The following MINDY4B variants were observed in gnomAD, a reference collection of about 807,000 sequenced individuals.
MINDY4B encodes MINDY family member 4B.
A neutral mutation model predicts 16.7 loss-of-function variants in MINDY4B; 25 were observed. The observed-to-expected ratio is 1.49, with a 90% CI of 1.09 to 2.09. The LOEUF (loss-of-function observed/expected upper bound fraction) is 2.09. Ranked by LOEUF, MINDY4B falls within the 30% of genes most tolerant of loss-of-function variation. The probability of loss-of-function intolerance (pLI) is 0.00; values close to 1 mark genes in which losing one functional copy is unlikely to be tolerated. For missense variants in MINDY4B, 327 were observed against 168.4 expected (o/e 1.94, Z -5.21); for synonymous variants, 132 against 61.9 (o/e 2.13, Z -5.32).
At chr3:150,888,070 G>GT (rs1269754218) in intron 7 of MINDY4B, among the ~76,000 whole-genome samples, 1 of 152,146 alleles carries the variant, frequency 6.6e-6, no homozygotes, top group South Asian at 2.1e-4. Flanking sequence ...TCGCACCACT[G>GT]TACTCCAGCC....
chr3:150,871,051 G>A lies in MINDY4B; in HGVS notation c.1377C>T (p.Phe459=). 2.8e-6 allele frequency: 2 copies of A among 702,832 alleles called. No individual in the cohort carries two copies. The highest frequency in any genetic ancestry group is 5.2e-6 in the Non-Finnish European group (2 of 384,828). The allele number at this position is 702,832 out of a possible 1,614,324, so 43.5% of individuals were successfully genotyped here. A position where few individuals can be genotyped will look rare whatever the true frequency, so the allele number is the denominator to read the frequency against. ...TGCACAGCCTAGTTTCCCTTTAGAAGAAGGGAACGGTCCCATTCCAGTTGA... is the reference window on the plus strand; with the variant it reads ...TGCACAGCCTAGTTTCCCTTTAGAAAAAGGGAACGGTCCCATTCCAGTTGA... ...ATINWNGTVP[F]F Residue 459 remains phenylalanine, a synonymous_variant, in exon 12 of 12, where the codon TTC becomes TTT. Transcript: ENST00000465419.
In MINDY4B at chr3:150,882,564, G is replaced by GTATATATATA. The variant is rs59302082; in HGVS notation, c.1059+323_1059+332dup. Among the ~76,000 whole-genome samples the GTATATATATA allele has an allele frequency of 9.5e-5, 14 of 148,100 alleles. No homozygotes were observed. The East Asian group carries it at 1.4e-3, about 15-fold the overall frequency. The stretch of plus-strand genomic sequence containing the variant: ...TTTTCCTTTGTGTATGTGTATGTGT[G>GTATATATATA]TATATATATATATATATATATATAT... On this transcript the variant is annotated intron_variant, in intron 10 of 11. Transcript: ENST00000465419.
intron 10 of MINDY4B, among the ~76,000 whole-genome samples, chr3:150,874,661 C>T (rs577190747): frequency 6.6e-6 from 1 of 152,266 alleles, no homozygotes; most frequent in Admixed American, 6.5e-5. Context: ...CATTCTATTT[C>T]TTTTCTTCTC....
intron 8 of MINDY4B, among the ~76,000 whole-genome samples, chr3:150,884,118 C>T (rs189511154): frequency 2.4e-4 from 36 of 152,338 alleles, no homozygotes; most frequent in African/African-American, 7.9e-4. Flanking sequence ...CATGACCACA[C>T]TGCAGAGTGC....
rs894330613 is a variant in MINDY4B at position 150,894,229 on chromosome 3, T to C, written c.386A>G (p.His129Arg). The C allele has an allele frequency of 1.3e-5, 9 of 702,086 alleles. No individual in the cohort carries two copies. Among genetic ancestry groups the C allele is most frequent in the African/African-American group, 3.5e-5 (2 of 57,220 alleles). The allele number at this position is 702,086 out of a possible 1,614,324, so 43.5% of individuals were successfully genotyped here. Residue 129 changes from histidine (H) to arginine (R), a missense_variant, in exon 4 of 12, where the codon CAT (histidine) becomes CGT (arginine). Coordinates refer to ENST00000465419, the MANE Select transcript of MINDY4B (RefSeq NM_001351281.2). The part of the protein sequence containing the change: ...YNWKKAYFRF[H>R]DPSSELAFTL... ...GAAAGCTAGTTCAGAAGAAGGATCA[T>C]GGAACCTGAAATAGGCCTTTTTCCA...
chr3:150,886,548 A>T (rs1279023340), intron 7 of MINDY4B, among the ~76,000 whole-genome samples: 1 of 152,184 alleles, frequency 6.6e-6, no homozygotes, highest in African/African-American at 2.4e-5. Context: ...AACAACACGA[A>T]TTTATTATCT....
chr3:150,882,832 C>T (rs1711543647), intron 10 of MINDY4B, 65 bp downstream of exon 10: 2 of 597,104 alleles, frequency 3.3e-6, no homozygotes, highest in South Asian at 2.0e-5. Flanking sequence ...CCTAAATAGA[C>T]AGACTTTTAA....
At chr3:150,873,047 GT>G in intron 11 of MINDY4B, 139 bp downstream of exon 11, 1 of 568,678 alleles carries the variant, frequency 1.8e-6, no homozygotes, top group Non-Finnish European at 3.1e-6. Flanking sequence ...TGGGATTCAT[GT>G]GTGGGTTTCA....
chr3:150,888,219 AC>A (rs1223897650), intron 7 of MINDY4B, among the ~76,000 whole-genome samples: 1 of 151,636 alleles, frequency 6.6e-6, no homozygotes, highest in Non-Finnish European at 1.5e-5. Flanking sequence ...GAGAAGCATC[AC>A]TCTGGTCCCA....
intron 2 of MINDY4B, 96 bp downstream of exon 2, chr3:150,904,966 A>G (rs183194697): frequency 7.5e-6 from 3 of 398,278 alleles, no homozygotes; most frequent in Admixed American, 8.8e-5. Flanking sequence ...CCTGAGTGAC[A>G]TTATGTGCAA....
At chr3:150,896,285 T>C (rs1711963886) in intron 3 of MINDY4B, among the ~76,000 whole-genome samples, 1 of 152,014 alleles carries the variant, frequency 6.6e-6, no homozygotes. Context: ...CTTATATCCT[T>C]TTTTGGATTT....
intron 11 of MINDY4B, among the ~76,000 whole-genome samples, chr3:150,872,552 T>C (rs1363825355): frequency 6.6e-6 from 1 of 152,222 alleles, no homozygotes; most frequent in Non-Finnish European, 1.5e-5. Flanking sequence ...AAATGATCTG[T>C]TCGGTTGTCT....
intron 7 of MINDY4B, among the ~76,000 whole-genome samples, chr3:150,887,575 T>C (rs916722793): frequency 6.6e-6 from 1 of 152,218 alleles, no homozygotes; most frequent in Non-Finnish European, 1.5e-5. Flanking sequence ...CCAGATTTTC[T>C]GATTTTTTGA....
Position 150,902,483 on chromosome 3 carries a change from C to A in MINDY4B, c.309+766G>T, listed in dbSNP as rs549232235. ...GAGGGGCATCTCAGCCTCTCTGGTA[C>A]TTTTACCTTGGCTTGACCCTTGCCT... On this transcript the variant is annotated intron_variant, in intron 3 of 11. Transcript: ENST00000465419. Among the ~76,000 whole-genome samples, 4 of 152,356 alleles carry A rather than the reference C, an allele frequency of 2.6e-5. No homozygotes were observed. The South Asian group carries it at 8.3e-4, about 32-fold the overall frequency.
Position 150,883,576 on chromosome 3 carries a change from A to C in MINDY4B, c.897+124T>G, listed in dbSNP as rs572563284. 4.4e-4 allele frequency: 282 copies of C among 635,496 alleles called. 2 individuals are homozygous for C. In the African/African-American group the frequency reaches 4.5e-3, roughly 10 times the overall value. The allele number at this position is 635,496 out of a possible 1,614,324, so 39.4% of individuals were successfully genotyped here. The stretch of plus-strand genomic sequence containing the variant: ...CGGATTGCTCTTTACTTAAGGAGAG[A>C]ATATATTTAATTAGAAAACAATCCA... On this transcript the variant is annotated intron_variant, in intron 9 of 11. Coordinates refer to ENST00000465419, the MANE Select transcript of MINDY4B (RefSeq NM_001351281.2).
chr3:150,897,433 T>A (rs1320685439), intron 3 of MINDY4B, among the ~76,000 whole-genome samples: 1 of 151,668 alleles, frequency 6.6e-6, no homozygotes, highest in Non-Finnish European at 1.5e-5. Flanking sequence ...TGATCCTGGA[T>A]AACTTTGAAT....
chr3:150,897,196 T>A (rs1190251660), intron 3 of MINDY4B, among the ~76,000 whole-genome samples: 1 of 152,068 alleles, frequency 6.6e-6, no homozygotes, highest in Non-Finnish European at 1.5e-5. Context: ...CTCTGGAACA[T>A]GCCACACACC....
intron 2 of MINDY4B, among the ~76,000 whole-genome samples, 157 bp downstream of exon 2, chr3:150,904,905 A>T (rs143600375): frequency 1.3e-5 from 2 of 152,234 alleles, no homozygotes; most frequent in African/African-American, 4.8e-5. Context: ...ACAAGAAAAA[A>T]ATCTTCGACA....
rs896097608 is a variant in MINDY4B at position 150,891,058 on chromosome 3, C to T, written c.567G>A (p.Ala189=). The change falls in exon 6 of 12, where the codon GCG becomes GCA. Residue 189 remains alanine, a synonymous_variant. Coordinates refer to ENST00000465419, the MANE Select transcript of MINDY4B (RefSeq NM_001351281.2). ...SKKEQEQALA[A]ALAGILWAAG... is the part of the protein sequence containing the mutation. Reference sequence around the variant, plus strand: ...CAGCCCACAGGATGCCAGCAAGCGCCGCGGCCAAGGCTTGCTCCTGCTCCT... The same window carrying T: ...CAGCCCACAGGATGCCAGCAAGCGCTGCGGCCAAGGCTTGCTCCTGCTCCT... The T allele has an allele frequency of 1.1e-5, 8 of 702,802 alleles. No individual in the cohort carries two copies. Among genetic ancestry groups the T allele is most frequent in the East Asian group, 5.4e-5 (2 of 37,290 alleles). The allele number at this position is 702,802 out of a possible 1,614,324, so 43.5% of individuals were successfully genotyped here. A position where few individuals can be genotyped will look rare whatever the true frequency, so the allele number is the denominator to read the frequency against.
Sources: allele counts gnomAD v4.1 joint callset (sites outside exome capture counted in the v4.1 genomes callset), GRCh38; gene constraint gnomAD v4.1.1; transcripts MANE v1.5; gene names NCBI Gene and HGNC (gene_info 2026-07-23, HGNC 2026-07-21).